POU6F2: variants seen among roughly 807,000 people sequenced by gnomAD.
POU6F2 encodes POU class 6 homeobox 2, also known as POU domain, class 6, transcription factor 2.
Under a neutral mutation model 71.3 loss-of-function variants are expected in POU6F2, and 31 were observed. The observed-to-expected ratio is 0.43, with a 90% CI of 0.33 to 0.59. The LOEUF (loss-of-function observed/expected upper bound fraction) is 0.59. POU6F2 is among the 20% of genes least tolerant of loss of function. POU6F2 has a pLI of 0.04. For missense variants in POU6F2, 783 were observed against 856.8 expected (o/e 0.91, Z 1.07); for synonymous variants, 347 against 355.7 (o/e 0.98, Z 0.27).
At chr7:39,362,767 G>T (rs985188630) in intron 5 of POU6F2, among the ~76,000 whole-genome samples, 5 of 152,200 alleles carry the variant, frequency 3.3e-5, no homozygotes, top group Non-Finnish European at 5.9e-5. Context: ...AAGTGCTAGA[G>T]TAGGGGGTTA....
chr7:39,038,126 C>T (rs1228666440), intron 1 of POU6F2, among the ~76,000 whole-genome samples: 1 of 152,010 alleles, frequency 6.6e-6, no homozygotes, highest in Non-Finnish European at 1.5e-5. Context: ...GGTTTGCCAA[C>T]TCTGGAGTTT....
chr7:39,328,716 T>C (rs1430454654), intron 4 of POU6F2, among the ~76,000 whole-genome samples: 1 of 152,184 alleles, frequency 6.6e-6, no homozygotes, highest in Admixed American at 6.5e-5. Flanking sequence ...TCCATGAAAA[T>C]CCTTATCTTG....
chr7:39,274,397 G>A (rs1236442702), intron 4 of POU6F2, among the ~76,000 whole-genome samples: 8 of 149,494 alleles, frequency 5.4e-5, no homozygotes, highest in African/African-American at 2.0e-4. Flanking sequence ...CTGAAATTGT[G>A]GCAATAATCA....
intron 5 of POU6F2, among the ~76,000 whole-genome samples, chr7:39,379,079 C>T (rs1786769742): frequency 6.6e-6 from 1 of 152,022 alleles, no homozygotes; most frequent in Non-Finnish European, 1.5e-5. Context: ...TTGATGGGAC[C>T]TAGAAGTGAA....
chr7:39,395,937 T>TA (rs993398870), intron 5 of POU6F2, among the ~76,000 whole-genome samples: 12 of 152,036 alleles, frequency 7.9e-5, no homozygotes, highest in Admixed American at 1.3e-4. Context: ...TGATAGAATA[T>TA]AAAAAAACAA....
At chr7:38,978,951 GA>G (rs1788246089) in intron 1 of POU6F2, among the ~76,000 whole-genome samples, 1 of 152,152 alleles carries the variant, frequency 6.6e-6, no homozygotes, top group African/African-American at 2.4e-5. Flanking sequence ...ATCAGAAAAC[GA>G]AAAGGATCAT....
At chr7:39,148,616 G>C (rs768506931) in intron 2 of POU6F2, among the ~76,000 whole-genome samples, 18 of 151,554 alleles carry the variant, frequency 1.2e-4, no homozygotes, top group Non-Finnish European at 2.5e-4. Flanking sequence ...TGATGATAAT[G>C]ATGATTACCA....
At chr7:39,070,100 G>T (rs1162783320) in intron 1 of POU6F2, among the ~76,000 whole-genome samples, 1 of 152,120 alleles carries the variant, frequency 6.6e-6, no homozygotes, top group African/African-American at 2.4e-5. Flanking sequence ...AGCCTGACAG[G>T]CAAGAAGGAA....
At chr7:39,185,991 A>G (rs1014607956) in intron 2 of POU6F2, among the ~76,000 whole-genome samples, 1 of 151,860 alleles carries the variant, frequency 6.6e-6, no homozygotes, top group South Asian at 2.1e-4. Context: ...GCTCACTGCA[A>G]TCTCCGCCTC....
At chr7:39,252,145 G>A (rs546139190) in intron 4 of POU6F2, among the ~76,000 whole-genome samples, 1 of 152,172 alleles carries the variant, frequency 6.6e-6, no homozygotes, top group Non-Finnish European at 1.5e-5. Flanking sequence ...AGCACATCAT[G>A]AGAAAGAACA....
intron 1 of POU6F2, among the ~76,000 whole-genome samples, chr7:38,999,924 T>C (rs958898071): frequency 6.6e-6 from 1 of 152,228 alleles, no homozygotes; most frequent in African/African-American, 2.4e-5. Context: ...TCTTATCCTG[T>C]CTCATGCCAC....
intron 4 of POU6F2, among the ~76,000 whole-genome samples, chr7:39,324,374 G>A (rs1785467069): frequency 6.6e-6 from 1 of 152,302 alleles, no homozygotes; most frequent in East Asian, 1.9e-4. Flanking sequence ...AGTTTCAAGA[G>A]AAAGTGATGG....
At chr7:39,348,965 A>C (rs999737592) in intron 5 of POU6F2, among the ~76,000 whole-genome samples, 2 of 152,260 alleles carry the variant, frequency 1.3e-5, no homozygotes. Context: ...TTTATTTCAC[A>C]TAATGCTAAT....
chr7:39,149,095 G>T (rs1034243008), intron 2 of POU6F2, among the ~76,000 whole-genome samples: 6 of 152,164 alleles, frequency 3.9e-5, no homozygotes, highest in African/African-American at 1.4e-4. Context: ...CAGAGAAGGG[G>T]TCAAGGGGTT....
At chr7:39,228,833 G>T (rs1032492492) in intron 4 of POU6F2, among the ~76,000 whole-genome samples, 1 of 152,158 alleles carries the variant, frequency 6.6e-6, no homozygotes, top group Non-Finnish European at 1.5e-5. Context: ...TTAATTAATA[G>T]CTGCTAAACC....
chr7:39,286,152 G>A (rs1187893727), intron 4 of POU6F2, among the ~76,000 whole-genome samples: 2 of 152,090 alleles, frequency 1.3e-5, no homozygotes, highest in Non-Finnish European at 2.9e-5. Flanking sequence ...AAGTGGGGAG[G>A]GAACCTCTGA....
At chr7:39,127,214 G>A (rs558923357) in intron 2 of POU6F2, among the ~76,000 whole-genome samples, 3 of 152,230 alleles carry the variant, frequency 2.0e-5, no homozygotes, top group South Asian at 2.1e-4. Flanking sequence ...AATTTGAGAC[G>A]TTTTAAGTGC....
At chr7:39,254,421 A>G (rs1386416971) in intron 4 of POU6F2, among the ~76,000 whole-genome samples, 1 of 152,184 alleles carries the variant, frequency 6.6e-6, no homozygotes, top group African/African-American at 2.4e-5. Context: ...TGTGAGAAGC[A>G]GAGGTTCACT....
At chr7:39,440,454 C>T (rs1038856685) in intron 7 of POU6F2, among the ~76,000 whole-genome samples, 1 of 152,122 alleles carries the variant, frequency 6.6e-6, no homozygotes, top group African/African-American at 2.4e-5. Flanking sequence ...CTCTGATATC[C>T]TTTCTTCCAC....
Sources: gnomAD v4.1 joint callset for allele counts (sites outside exome capture counted in the v4.1 genomes callset) on GRCh38, gnomAD v4.1.1 for gene constraint, MANE v1.5 for transcripts, NCBI Gene and HGNC (gene_info 2026-07-23, HGNC 2026-07-21) for gene names.